Variants in CTSZ observed in about 807,000 individuals in gnomAD.
CTSZ encodes the protein carboxypeptidase LB.
A neutral mutation model predicts 32.4 loss-of-function variants in CTSZ; 39 were observed. That is an observed-to-expected ratio of 1.20 (90% confidence interval 0.93 to 1.57). The LOEUF is 1.57. Ranked by LOEUF, CTSZ falls within the 40% of genes most tolerant of loss-of-function variation. CTSZ has a pLI of 0.00. For missense variants in CTSZ, 397 were observed against 419.6 expected (o/e 0.95, Z 0.47); for synonymous variants, 168 against 170.1 (o/e 0.99, Z 0.10).
At chr20:59,000,821 G>A (rs990862146) in intron 3 of CTSZ, among the ~76,000 whole-genome samples, 1 of 149,028 alleles carries the variant, frequency 6.7e-6, no homozygotes, top group African/African-American at 2.5e-5. Flanking sequence ...ATGGGGACAG[G>A]GCCGGTATTT....
At chr20:58,997,502 C>T (rs1018646166) in intron 4 of CTSZ, 101 bp downstream of exon 4, 4 of 1,206,878 alleles carry the variant, frequency 3.3e-6, no homozygotes, top group Non-Finnish European at 3.3e-6. Context: ...CCCACACTGG[C>T]GCTGTCACCG....
At chr20:59,005,463 T>C (rs1279827736) in intron 2 of CTSZ, among the ~76,000 whole-genome samples, 1 of 152,238 alleles carries the variant, frequency 6.6e-6, no homozygotes, top group African/African-American at 2.4e-5. Flanking sequence ...GTCAGTGAGA[T>C]GGAGCACACG....
chr20:59,000,980 C>T (rs1417130860), intron 3 of CTSZ, among the ~76,000 whole-genome samples: 1 of 152,020 alleles, frequency 6.6e-6, no homozygotes, highest in Non-Finnish European at 1.5e-5. Flanking sequence ...AGGTGTGCAC[C>T]ACCACACCCA....
intron 2 of CTSZ, chr20:59,006,073 G>A: frequency 1.9e-6 from 1 of 521,818 alleles, no homozygotes; most frequent in Non-Finnish European, 3.4e-6. Context: ...GGGAGAGAGG[G>A]CACCTGGCAG....
chr20:59,007,116 C>A lies in CTSZ; in HGVS notation c.13G>T (p.Gly5Trp). ...AGCAGAAGCGGCCGCCACCCTGGCC[C>A]GCGCCTCGCCATGGCCCCGCGCCGG... MARRGPGWRPLLLLV... is the reference protein window; with the variant it reads MARRWPGWRPLLLLV... Residue 5 changes from glycine to tryptophan, a missense_variant, in exon 1 of 6, where the codon GGG (glycine) becomes TGG (tryptophan). Coordinates refer to ENST00000217131, the MANE Select transcript of CTSZ (RefSeq NM_001336.4). The A allele has an allele frequency of 1.4e-6, 2 of 1,396,274 alleles. No individual in the cohort carries two copies. The highest frequency in any genetic ancestry group is 1.5e-5 in the South Asian group (1 of 64,574). 86.5% of individuals were successfully genotyped at this position (1,396,274 alleles called of 1,614,324 possible). A position where few individuals can be genotyped will look rare whatever the true frequency, so the allele number is the denominator to read the frequency against.
chr20:59,006,952 G>A, intron 1 of CTSZ, 34 bp downstream of exon 1: 2 of 1,376,992 alleles, frequency 1.5e-6, no homozygotes, highest in Non-Finnish European at 1.9e-6. Context: ...TGGGCCTCCC[G>A]TCCCCCCAGG....
intron 3 of CTSZ, among the ~76,000 whole-genome samples, chr20:59,000,991 G>A (rs2091886339): frequency 6.6e-6 from 1 of 152,030 alleles, no homozygotes; most frequent in South Asian, 2.1e-4. Flanking sequence ...ACCACACCCA[G>A]CTAATTTTTG....
chr20:59,007,134 C>A lies in CTSZ; in HGVS notation c.-6G>T. 1 of 1,353,870 alleles carries A rather than the reference C, an allele frequency of 7.4e-7. No individual in the cohort carries two copies. The allele number at this position is 1,353,870 out of a possible 1,614,324, so 83.9% of individuals were successfully genotyped here. On this transcript the variant is annotated 5_prime_UTR_variant, in exon 1 of 6. Coordinates refer to ENST00000217131, the MANE Select transcript of CTSZ (RefSeq NM_001336.4). The stretch of plus-strand genomic sequence containing the variant: ...CCTGGCCCGCGCCTCGCCATGGCCC[C>A]GCGCCGGCTCCTGGGTCCCGCTCCG...
intron 4 of CTSZ, among the ~76,000 whole-genome samples, chr20:58,997,161 CAAAAAAAAA>C (rs10582096): frequency 8.5e-5 from 9 of 105,398 alleles, no homozygotes; most frequent in South Asian, 3.2e-4. Context: ...GACTGTGTTT[CAAAAAAAAA>C]AAAAAAAAAA....
intron 2 of CTSZ, chr20:59,005,977 T>G (rs2091907342): frequency 6.6e-6 from 2 of 301,052 alleles, no homozygotes. Flanking sequence ...AGAAGCAGTT[T>G]ACTTCTGTAT....
Position 58,996,899 on chromosome 20 carries a change from G to A in CTSZ, c.639-98C>T. The A allele has an allele frequency of 1.3e-5, 18 of 1,374,024 alleles. No homozygotes were observed. The South Asian group carries it at 2.3e-4, about 17-fold the overall frequency. The allele number at this position is 1,374,024 out of a possible 1,614,324, so 85.1% of individuals were successfully genotyped here. A position where few individuals can be genotyped will look rare whatever the true frequency, so the allele number is the denominator to read the frequency against. On this transcript the variant is annotated intron_variant, in intron 4 of 5. Coordinates refer to ENST00000217131, the MANE Select transcript of CTSZ (RefSeq NM_001336.4). ...TGGCTGGGCGCCGTGGCTCACGCCTGTAATTCCAGCACTTTGGGAGGCCGA... is the reference window on the plus strand; with the variant it reads ...TGGCTGGGCGCCGTGGCTCACGCCTATAATTCCAGCACTTTGGGAGGCCGA...
In CTSZ at chr20:59,000,545, C is replaced by T. The variant is rs560057038; in HGVS notation, c.487+920G>A. Among the ~76,000 whole-genome samples the T allele has an allele frequency of 7.9e-5, 12 of 152,282 alleles. No individual in the cohort carries two copies. The East Asian group carries it at 1.5e-3, about 20-fold the overall frequency. On this transcript the variant is annotated intron_variant, in intron 3 of 5. Transcript: ENST00000217131. Reference sequence around the variant, plus strand: ...CACACAGCACCCCCTTGGCCGTAGCCGCACCTGAATGTGGGGGACCTGGGC... The same window carrying T: ...CACACAGCACCCCCTTGGCCGTAGCTGCACCTGAATGTGGGGGACCTGGGC...
chr20:59,003,768 C>T (rs2091898705), intron 2 of CTSZ, among the ~76,000 whole-genome samples: 1 of 152,114 alleles, frequency 6.6e-6, no homozygotes, highest in Admixed American at 6.5e-5. Flanking sequence ...CTCCCTGCTC[C>T]ACTCTCCGCA....
chr20:58,996,499 C>T (rs780359564), intron 5 of CTSZ, 140 bp downstream of exon 5: 27 of 870,242 alleles, frequency 3.1e-5, no homozygotes, highest in East Asian at 1.5e-4. Context: ...GCCACTCGCG[C>T]GGTGGCTGAG....
intron 3 of CTSZ, among the ~76,000 whole-genome samples, chr20:59,000,362 G>A (rs1180186382): frequency 1.3e-5 from 2 of 152,226 alleles, no homozygotes; most frequent in Admixed American, 6.5e-5. Context: ...TGGGCAACAA[G>A]AGCAAAACTC....
chr20:58,997,978 G>A (rs550457322), intron 3 of CTSZ, among the ~76,000 whole-genome samples: 10 of 152,324 alleles, frequency 6.6e-5, no homozygotes, highest in African/African-American at 1.9e-4. Flanking sequence ...AAAAGAGACA[G>A]ACATTAATTA....
rs945864413 is a variant in CTSZ, at chr20:58,997,808, CAAA to C, written c.488-58_488-56del. 4.3e-5 allele frequency: 65 copies of C among 1,494,306 alleles called. No homozygotes were observed. The African/African-American group carries it at 7.4e-4, about 17-fold the overall frequency. 92.6% of individuals were successfully genotyped at this position (1,494,306 alleles called of 1,614,324 possible). On this transcript the variant is annotated intron_variant, in intron 3 of 5. Coordinates refer to ENST00000217131, the MANE Select transcript of CTSZ (RefSeq NM_001336.4). ...GGCCGTCTCCTCATCAACCCACTGA[CAAA>C]GAAGCCCGCCAAGCCCACTCTCCAC...
chr20:59,005,214 C>G (rs983899930), intron 2 of CTSZ, among the ~76,000 whole-genome samples: 1 of 152,088 alleles, frequency 6.6e-6, no homozygotes, highest in Non-Finnish European at 1.5e-5. Context: ...TTCCAGCCCC[C>G]GGGGGAGACG....
rs1173626937 is a variant in CTSZ at position 58,996,742 on chromosome 20, T to C, written c.698A>G (p.Tyr233Cys). ...ANYTGGIYAE[Y>C]QDTTYINHVV... ...ATGGTTTATATATGTGGTGTCCTGGTATTCGGCATAGATGCCTCCGGTGTA... is the reference window on the plus strand; with the variant it reads ...ATGGTTTATATATGTGGTGTCCTGGCATTCGGCATAGATGCCTCCGGTGTA... The change falls in exon 5 of 6, where the codon TAC (tyrosine) becomes TGC (cysteine). Residue 233 changes from tyrosine (Y) to cysteine (C), a missense_variant. Tyr to Cys is a radical substitution (Grantham distance 194, BLOSUM62 -2). Coordinates refer to ENST00000217131, the MANE Select transcript of CTSZ (RefSeq NM_001336.4). 6.2e-7 allele frequency: 1 copy of C among 1,614,202 alleles called. No homozygotes were observed. The highest frequency in any genetic ancestry group is 1.3e-5 in the African/African-American group (1 of 75,046).
Sources: gnomAD v4.1 joint callset for allele counts (sites outside exome capture counted in the v4.1 genomes callset) on GRCh38, gnomAD v4.1.1 for gene constraint, MANE v1.5 for transcripts, NCBI Gene and HGNC (gene_info 2026-07-23, HGNC 2026-07-21) for gene names.